DENND5A: variants seen among roughly 807,000 people sequenced by gnomAD.
The protein encoded by DENND5A is DENN domain containing 5A.
In DENND5A, 64 loss-of-function variants were observed where a neutral mutation model predicts 140.3. That is an observed-to-expected ratio of 0.46 (90% CI 0.37 to 0.56). The LOEUF (loss-of-function observed/expected upper bound fraction) is 0.56, where lower values mean the gene tolerates loss of function less well. DENND5A is among the 20% of genes least tolerant of loss of function. DENND5A has a pLI of 0.00. For synonymous variants in DENND5A, 605 were observed against 607.7 expected (o/e 1.00, Z 0.07); for missense variants, 1,292 against 1,593.8 (o/e 0.81, Z 3.22).
At chr11:9,205,729 TA>T (rs916549710) in intron 3 of DENND5A, among the ~76,000 whole-genome samples, 11 of 151,178 alleles carry the variant, frequency 7.3e-5, no homozygotes, top group African/African-American at 1.9e-4. Context: ...ACTGCTTCTA[TA>T]AAAAAAAAAT....
chr11:9,166,087 C>CTT (rs369184549), intron 10 of DENND5A, 120 bp from the exon 11 acceptor site: 4,839 of 712,938 alleles, frequency 6.8e-3, no homozygotes, highest in Non-Finnish European at 8.4e-3. Flanking sequence ...TTTTCTTTTT[C>CTT]TTTTTTTTTT....
chr11:9,139,914 G>T, intron 22 of DENND5A, 60 bp from the exon 23 acceptor site: 1 of 1,527,930 alleles, frequency 6.5e-7, no homozygotes, highest in Non-Finnish European at 9.0e-7. Context: ...AAGAGAGAGC[G>T]TTAGTGCAAG....
intron 1 of DENND5A, among the ~76,000 whole-genome samples, chr11:9,248,970 GC>G (rs1463997172): frequency 2.0e-5 from 3 of 152,140 alleles, no homozygotes; most frequent in African/African-American, 7.2e-5. Flanking sequence ...GGGCGCGGTG[GC>G]TCACACCTGT....
chr11:9,158,697 C>T (rs1484684941), intron 12 of DENND5A, among the ~76,000 whole-genome samples: 3 of 152,130 alleles, frequency 2.0e-5, no homozygotes, highest in Non-Finnish European at 4.4e-5. Flanking sequence ...GTCTGTTTTA[C>T]AGTCAAGCTC....
At position 9,216,657 on chromosome 11, in the gene DENND5A, C is replaced by T. The variant is rs181378412; in HGVS notation, c.110-9025G>A. 4.7e-3 allele frequency among the ~76,000 whole-genome samples: 720 copies of T among 152,300 alleles called. 11 individuals are homozygous for T. The highest frequency in any genetic ancestry group is 0.013 in the East Asian group (70 of 5,192). On this transcript the variant is annotated intron_variant, in intron 1 of 22. Transcript: ENST00000328194. The stretch of plus-strand genomic sequence containing the variant: ...GCAGGGCAGGGGACTGTGGCTCATG[C>T]CTGTAATCCCAGATAATCAGGAGGA...
At chr11:9,250,858 G>A (rs1476031813) in intron 1 of DENND5A, among the ~76,000 whole-genome samples, 1 of 152,156 alleles carries the variant, frequency 6.6e-6, no homozygotes, top group Non-Finnish European at 1.5e-5. Flanking sequence ...TTCCGGCCGG[G>A]TGCGGTGGCT....
At chr11:9,227,666 A>G (rs975648296) in intron 1 of DENND5A, among the ~76,000 whole-genome samples, 4 of 152,104 alleles carry the variant, frequency 2.6e-5, no homozygotes, top group African/African-American at 9.7e-5. Flanking sequence ...TCTGTGAAAA[A>G]TGCATATTTG....
intron 1 of DENND5A, among the ~76,000 whole-genome samples, chr11:9,258,534 T>C (rs1852051697): frequency 6.6e-6 from 1 of 152,150 alleles, no homozygotes. Flanking sequence ...CTGATGGACA[T>C]TTGAGTTGGT....
At chr11:9,208,865 C>T (rs1361361950) in intron 1 of DENND5A, among the ~76,000 whole-genome samples, 1 of 152,224 alleles carries the variant, frequency 6.6e-6, no homozygotes, top group Admixed American at 6.5e-5. Context: ...GTAATAGCTG[C>T]AGCAACAAGG....
chr11:9,224,406 C>G (rs770433385), intron 1 of DENND5A, among the ~76,000 whole-genome samples: 2 of 152,172 alleles, frequency 1.3e-5, no homozygotes, highest in Non-Finnish European at 2.9e-5. Flanking sequence ...CCTCCCAACA[C>G]CTGCTTTCTC....
At chr11:9,209,770 A>G (rs548423189) in intron 1 of DENND5A, among the ~76,000 whole-genome samples, 4 of 152,234 alleles carry the variant, frequency 2.6e-5, no homozygotes, top group African/African-American at 9.6e-5. Flanking sequence ...TTTTTTAGTG[A>G]AATGATTCAC....
At chr11:9,232,195 T>C (rs987714352) in intron 1 of DENND5A, among the ~76,000 whole-genome samples, 2 of 152,082 alleles carry the variant, frequency 1.3e-5, no homozygotes, top group African/African-American at 4.8e-5. Flanking sequence ...ATAACAAAGA[T>C]ATAAAATGCA....
intron 4 of DENND5A, among the ~76,000 whole-genome samples, chr11:9,200,967 A>G (rs1408442187): frequency 6.6e-6 from 1 of 152,222 alleles, no homozygotes; most frequent in East Asian, 1.9e-4. Context: ...AAGCCCTGCC[A>G]TTGTGGAGGT....
chr11:9,217,641 G>T (rs181906080), intron 1 of DENND5A, among the ~76,000 whole-genome samples: 2 of 152,272 alleles, frequency 1.3e-5, no homozygotes, highest in East Asian at 3.9e-4. Context: ...TTTTTAAAGT[G>T]ATTAAAATAT....
At chr11:9,177,408 T>C (rs1848580598) in intron 8 of DENND5A, among the ~76,000 whole-genome samples, 1 of 151,950 alleles carries the variant, frequency 6.6e-6, no homozygotes, top group South Asian at 2.1e-4. Context: ...TGCCAACACT[T>C]TGGGAGGCCA....
At chr11:9,242,315 T>G (rs1851270097) in intron 1 of DENND5A, 1 of 152,208 alleles carries the variant, frequency 6.6e-6, no homozygotes, top group Non-Finnish European at 1.5e-5. Flanking sequence ...CTTTGAGATC[T>G]TCTAGACAAT....
At chr11:9,218,284 G>T (rs1850174691) in intron 1 of DENND5A, among the ~76,000 whole-genome samples, 1 of 151,666 alleles carries the variant, frequency 6.6e-6, no homozygotes, top group Non-Finnish European at 1.5e-5. Flanking sequence ...AAAAAAACAA[G>T]CTTGTGGAAA....
chr11:9,171,900 A>C (rs1564894988), intron 8 of DENND5A: 1 of 152,204 alleles, frequency 6.6e-6, no homozygotes, highest in Non-Finnish European at 1.5e-5. Context: ...AAAAAACTAG[A>C]AACATGGAAC....
chr11:9,187,856 A>G (rs899024706), intron 5 of DENND5A, among the ~76,000 whole-genome samples: 3 of 152,170 alleles, frequency 2.0e-5, no homozygotes, highest in Non-Finnish European at 2.9e-5. Flanking sequence ...AAAAGGAACA[A>G]AAAGCTTTTT....
Sources: allele counts gnomAD v4.1 joint callset (sites outside exome capture counted in the v4.1 genomes callset), GRCh38; gene constraint gnomAD v4.1.1; transcripts MANE v1.5; gene names NCBI Gene and HGNC (gene_info 2026-07-23, HGNC 2026-07-21).